Variants in LRP1B observed in about 807,000 individuals in gnomAD.
LRP1B encodes the protein LDL receptor related protein 1B.
LRP1B carries 217 observed loss-of-function variants against 556.6 expected under a neutral mutation model. The ratio of observed to expected loss-of-function variants is 0.39; its 90% CI spans 0.35 to 0.44. LRP1B has a LOEUF of 0.44. Among genes scored for constraint, LRP1B ranks in the 20% least tolerant of loss-of-function variants. The probability of loss-of-function intolerance (pLI) is 1.00; values close to 1 mark genes in which losing one functional copy is unlikely to be tolerated. For missense variants in LRP1B, 5,053 were observed against 5,620.8 expected, an observed-to-expected ratio of 0.90 and a Z score of 3.23; for synonymous variants, 2,047 against 1,865.8, an observed-to-expected ratio of 1.10 and a Z score of -2.50.
At chr2:141,211,270 G>A (rs1307217125) in intron 6 of LRP1B, among the ~76,000 whole-genome samples, 1 of 150,216 alleles carries the variant, frequency 6.7e-6, no homozygotes, top group Non-Finnish European at 1.5e-5. Flanking sequence ...TTATAAGCAT[G>A]AGACACCATG....
intron 1 of LRP1B, among the ~76,000 whole-genome samples, chr2:141,920,045 G>A (rs1223731147): frequency 6.6e-6 from 1 of 151,874 alleles, no homozygotes. Context: ...TCTGGAACAT[G>A]TAACCTTTTC....
At chr2:140,457,705 A>C in intron 60 of LRP1B, 54 bp from the exon 61 acceptor site, 1 of 1,378,138 alleles carries the variant, frequency 7.3e-7, no homozygotes, top group Non-Finnish European at 1.0e-6. Flanking sequence ...TGCCAGTTAA[A>C]ATATTCAATA....
chr2:141,310,057 A>T (rs1336785214), intron 3 of LRP1B, among the ~76,000 whole-genome samples: 5 of 152,156 alleles, frequency 3.3e-5, no homozygotes, highest in Non-Finnish European at 7.3e-5. Context: ...TGGTAGAGAG[A>T]GTACCTTTCC....
chr2:141,080,630 T>C (rs1699899405), intron 7 of LRP1B, among the ~76,000 whole-genome samples: 2 of 152,168 alleles, frequency 1.3e-5, no homozygotes, highest in Admixed American at 6.5e-5. Context: ...GCACTGTACA[T>C]GTCAGGCTTG....
chr2:141,319,252 A>T (rs1434486977), intron 3 of LRP1B, among the ~76,000 whole-genome samples: 1 of 149,150 alleles, frequency 6.7e-6, no homozygotes. Context: ...CCCTTTGACC[A>T]TTAATATTGC....
rs1680819967 is a variant in LRP1B, at chr2:140,331,676, T to C, written c.12223+2777A>G. Among the ~76,000 whole-genome samples, 3 of 117,060 alleles carry C rather than the reference T, an allele frequency of 2.6e-5. No individual in the cohort carries two copies. In the South Asian group the frequency reaches 7.8e-4, roughly 30 times the overall value. The allele number at this position is 117,060 out of a possible 152,430, so 76.8% of individuals were successfully genotyped here. On this transcript the variant is annotated intron_variant, in intron 79 of 90. Transcript: ENST00000389484. ...TGGCATTTTTAAAGTTAGTTATCAC[T>C]ATATATATACATATATATATATATA...
At chr2:142,051,552 A>G in intron 1 of LRP1B, among the ~76,000 whole-genome samples, 1 of 151,508 alleles carries the variant, frequency 6.6e-6, no homozygotes. Context: ...ATCTTGGCTC[A>G]TTGCAACCTC....
intron 1 of LRP1B, among the ~76,000 whole-genome samples, chr2:142,124,964 A>T (rs1707585871): frequency 6.6e-6 from 1 of 151,614 alleles, no homozygotes; most frequent in Non-Finnish European, 1.5e-5. Context: ...CAGTTTCATC[A>T]ATTGGTTTAG....
chr2:141,961,991 G>A (rs1701415605), intron 1 of LRP1B, among the ~76,000 whole-genome samples: 1 of 151,652 alleles, frequency 6.6e-6, no homozygotes, highest in South Asian at 2.1e-4. Context: ...TCTCAACAAA[G>A]ACTATTCAGA....
In LRP1B at chr2:140,748,141, CAT is replaced by C. The variant is rs1431122026; in HGVS notation, c.5758+21070_5758+21071del. Among the ~76,000 whole-genome samples the C allele has an allele frequency of 4.2e-3, 342 of 81,896 alleles. 6 individuals are homozygous for C. Among genetic ancestry groups the C allele is most frequent in the African/African-American group, 0.015 (323 of 21,356 alleles). 53.7% of individuals were successfully genotyped at this position (81,896 alleles called of 152,430 possible). ...TATATATATATATATATATATAATT[CAT>C]ATATATGTGTGTATATATTCATATA... On this transcript the variant is annotated intron_variant, in intron 35 of 90. Transcript: ENST00000389484.
chr2:140,554,731 A>G (rs1258687572), intron 43 of LRP1B, among the ~76,000 whole-genome samples: 2 of 152,086 alleles, frequency 1.3e-5, no homozygotes, highest in African/African-American at 2.4e-5. Flanking sequence ...TGCTTAAAAC[A>G]TACTTAACTT....
At chr2:141,721,754 C>G (rs1201976196) in intron 2 of LRP1B, among the ~76,000 whole-genome samples, 2 of 152,120 alleles carry the variant, frequency 1.3e-5, no homozygotes, top group Non-Finnish European at 2.9e-5. Context: ...TCTGAGATTA[C>G]CAAGTTTTTC....
chr2:141,805,714 A>G (rs1404891610), intron 2 of LRP1B: 1 of 152,120 alleles, frequency 6.6e-6, no homozygotes, highest in East Asian at 1.9e-4. Flanking sequence ...AAGCTGAGAG[A>G]TTTTGTTTTC....
rs149631322 is a variant in LRP1B at position 141,049,655 on chromosome 2, C to T, written c.1553-433G>A. 9.9e-3 allele frequency among the ~76,000 whole-genome samples: 1,500 copies of T among 152,106 alleles called. 15 individuals carry two copies. The highest frequency in any genetic ancestry group is 0.027 in the Middle Eastern group (8 of 294). ...TCAGAAAATTTAAGACACACCAACC[C>T]CAAGTTTGCATCTACAAATTGTCAG... On this transcript the variant is annotated intron_variant, in intron 10 of 90. Coordinates refer to ENST00000389484, the MANE Select transcript of LRP1B (RefSeq NM_018557.3).
At chr2:141,467,357 G>A (rs1291731133) in intron 3 of LRP1B, among the ~76,000 whole-genome samples, 2 of 152,012 alleles carry the variant, frequency 1.3e-5, no homozygotes, top group Admixed American at 1.3e-4. Flanking sequence ...GAAGTTACAG[G>A]AGTATAGAAT....
chr2:141,105,259 C>CA (rs573279115), intron 7 of LRP1B, among the ~76,000 whole-genome samples: 6 of 151,994 alleles, frequency 3.9e-5, no homozygotes, highest in Non-Finnish European at 7.4e-5. Flanking sequence ...TTTATATATC[C>CA]AGTTAATGTC....
intron 1 of LRP1B, among the ~76,000 whole-genome samples, chr2:141,970,790 A>T (rs1701707307): frequency 6.6e-6 from 1 of 151,542 alleles, no homozygotes; most frequent in Admixed American, 6.6e-5. Flanking sequence ...CAAAGGATAA[A>T]GAAAGAAGAA....
intron 86 of LRP1B, among the ~76,000 whole-genome samples, chr2:140,255,705 G>A (rs1297661081): frequency 1.3e-5 from 2 of 152,028 alleles, no homozygotes; most frequent in Non-Finnish European, 2.9e-5. Context: ...TGAATACATA[G>A]GAATGCACAT....
At chr2:141,685,647 G>A (rs1472207872) in intron 2 of LRP1B, among the ~76,000 whole-genome samples, 1 of 152,020 alleles carries the variant, frequency 6.6e-6, no homozygotes, top group African/African-American at 2.4e-5. Context: ...TTACAACAGG[G>A]ATGTAGAAAG....
Sources: gnomAD v4.1 joint callset for allele counts (sites outside exome capture counted in the v4.1 genomes callset) on GRCh38, gnomAD v4.1.1 for gene constraint, MANE v1.5 for transcripts, NCBI Gene and HGNC (gene_info 2026-07-23, HGNC 2026-07-21) for gene names.